INO80: variants seen among roughly 807,000 people sequenced by gnomAD.
INO80 encodes INO80 complex ATPase subunit, also known as chromatin-remodeling ATPase INO80.
In INO80, 20 loss-of-function variants were observed where a neutral mutation model predicts 203.4. The ratio of observed to expected loss-of-function variants is 0.10; its 90% CI spans 0.07 to 0.14. The LOEUF is 0.14. INO80 is among the 10% of genes least tolerant of loss of function. The pLI is 1.00. For missense variants in INO80, 1,419 were observed against 1,914.4 expected (o/e 0.74, Z 4.83); for synonymous variants, 726 against 685.2 (o/e 1.06, Z -0.93).
chr15:41,111,887 C>T (rs1244623658), intron 1 of INO80, among the ~76,000 whole-genome samples: 3 of 151,928 alleles, frequency 2.0e-5, no homozygotes, highest in South Asian at 2.1e-4. Flanking sequence ...ACTACAAAGC[C>T]GTCCAAGATA....
At chr15:41,003,727 T>A (rs1404391895) in intron 28 of INO80, among the ~76,000 whole-genome samples, 2 of 152,200 alleles carry the variant, frequency 1.3e-5, no homozygotes, top group Non-Finnish European at 2.9e-5. Flanking sequence ...AACAAAACAT[T>A]ACTGTTAAAA....
chr15:41,060,005 A>C lies in INO80; in HGVS notation c.1783-79T>G, dbSNP rs1349100562. On this transcript the variant is annotated intron_variant, in intron 14 of 35. Coordinates refer to ENST00000648947, the MANE Select transcript of INO80 (RefSeq NM_017553.3). ...TAGAACAAATATATAATTCGGAACA[A>C]TTTAAAAAGAAACTAATAAAATGAG... 17 of 1,001,764 alleles carry C rather than the reference A, an allele frequency of 1.7e-5. No individual in the cohort carries two copies. In the East Asian group the frequency reaches 3.9e-4, roughly 23 times the overall value. The allele number at this position is 1,001,764 out of a possible 1,614,324, so 62.1% of individuals were successfully genotyped here. A position where few individuals can be genotyped will look rare whatever the true frequency, so the allele number is the denominator to read the frequency against.
intron 29 of INO80, among the ~76,000 whole-genome samples, chr15:40,994,644 T>G (rs1435270005): frequency 6.6e-6 from 1 of 151,854 alleles, no homozygotes; most frequent in Non-Finnish European, 1.5e-5. Flanking sequence ...GGATTACAGG[T>G]GTGAGCCACT....
chr15:41,054,012 G>T lies in INO80; in HGVS notation c.2191C>A (p.Gln731Lys). Residue 731 changes from glutamine to lysine, a missense_variant and splice_region_variant, in exon 19 of 36, where the codon CAA becomes AAA. By Grantham distance (53) the Gln-to-Lys change is moderately conservative. Around this residue, in one of 9 missense-constraint regions of INO80, gnomAD observed 192 missense variants for 406.7 expected, o/e 0.47. Coordinates refer to ENST00000648947, the MANE Select transcript of INO80 (RefSeq NM_017553.3). ...AAAATCATGTGTAAGCGAGAAAGTT[G>T]ATCTGAAATGCCGGGAGGCCCCCAA... ...AENKSAIDEN[Q>K]LSRLHMILKP... is the part of the protein sequence containing the mutation. 1 of 1,613,126 alleles carries T rather than the reference G, an allele frequency of 6.2e-7. No homozygotes were observed. The highest frequency in any genetic ancestry group is 1.1e-5 in the South Asian group (1 of 90,982).
intron 16 of INO80, among the ~76,000 whole-genome samples, chr15:41,058,429 T>C (rs2045034255): frequency 6.6e-6 from 1 of 152,124 alleles, no homozygotes; most frequent in South Asian, 2.1e-4. Context: ...GGGAGGCCGA[T>C]GCGAGAGGAT....
intron 1 of INO80, among the ~76,000 whole-genome samples, chr15:41,112,798 A>C (rs1048626718): frequency 3.3e-5 from 5 of 151,040 alleles, no homozygotes; most frequent in Admixed American, 1.3e-4. Context: ...AAAAAAAAAA[A>C]AAAAAAAAAA....
intron 24 of INO80, among the ~76,000 whole-genome samples, chr15:41,029,165 C>T (rs1222370518): frequency 6.6e-6 from 1 of 152,224 alleles, no homozygotes; most frequent in African/African-American, 2.4e-5. Context: ...ATACAAACTG[C>T]AAGATCAGAA....
At chr15:41,115,531 C>T (rs1017339336) in intron 1 of INO80, among the ~76,000 whole-genome samples, 1 of 152,202 alleles carries the variant, frequency 6.6e-6, no homozygotes, top group East Asian at 1.9e-4. Context: ...CACTAACAAG[C>T]CCTTAGATCT....
chr15:41,090,795 A>G (rs2045627758), intron 5 of INO80, among the ~76,000 whole-genome samples: 2 of 152,098 alleles, frequency 1.3e-5, no homozygotes, highest in Admixed American at 1.3e-4. Flanking sequence ...TTACATCTCA[A>G]TAAAGCTGCT....
intron 1 of INO80, among the ~76,000 whole-genome samples, chr15:41,100,793 A>G (rs2045795903): frequency 1.3e-5 from 2 of 149,598 alleles, no homozygotes; most frequent in Non-Finnish European, 3.0e-5. Flanking sequence ...ATACATTCAC[A>G]TTGTTGTGCA....
At chr15:41,063,273 G>T (rs951701729) in intron 14 of INO80, among the ~76,000 whole-genome samples, 8 of 152,100 alleles carry the variant, frequency 5.3e-5, no homozygotes, top group African/African-American at 1.9e-4. Flanking sequence ...GGAGGCAGAG[G>T]TTGCAGTAAG....
At chr15:41,010,404 AT>A (rs895597118) in intron 27 of INO80, among the ~76,000 whole-genome samples, 40 of 146,994 alleles carry the variant, frequency 2.7e-4, no homozygotes, top group East Asian at 9.8e-4. Context: ...TCCTTTTTAA[AT>A]TTTTTTTTTT....
At chr15:41,023,355 T>A in intron 25 of INO80, 1 of 453,166 alleles carries the variant, frequency 2.2e-6, no homozygotes, top group South Asian at 1.6e-5. Flanking sequence ...ACCTGCAAAA[T>A]TAATAGCAGC....
Position 41,085,601 on chromosome 15 carries a change from G to A in INO80, c.659-18C>T. 6.2e-7 allele frequency: 1 copy of A among 1,601,626 alleles called. No individual in the cohort carries two copies. The highest frequency in any genetic ancestry group is 8.5e-7 in the Non-Finnish European group (1 of 1,169,820). ...CAACTTAGCTGCAAAAGAAACAGAT[G>A]CAACAGGTTGCACTTCCACAGGAGA... On this transcript the variant is annotated intron_variant, in intron 6 of 35. Coordinates refer to ENST00000648947, the MANE Select transcript of INO80 (RefSeq NM_017553.3).
intron 25 of INO80, among the ~76,000 whole-genome samples, chr15:41,022,420 T>C (rs1437874942): frequency 2.0e-5 from 3 of 152,172 alleles, no homozygotes; most frequent in Non-Finnish European, 4.4e-5. Context: ...AGGACCTCCT[T>C]TGAAGCGGAC....
chr15:41,037,876 G>C (rs1025005004), intron 24 of INO80, among the ~76,000 whole-genome samples: 13 of 151,836 alleles, frequency 8.6e-5, no homozygotes, highest in African/African-American at 2.9e-4. Flanking sequence ...CCGGGACGCA[G>C]AGGTTGCAGT....
At chr15:41,081,743 G>A (rs969289510) in intron 7 of INO80, among the ~76,000 whole-genome samples, 7 of 152,096 alleles carry the variant, frequency 4.6e-5, no homozygotes, top group Admixed American at 6.6e-5. Flanking sequence ...GGCAGAGCTG[G>A]GTGGCTCTTT....
chr15:41,031,341 A>G (rs965278071), intron 24 of INO80, among the ~76,000 whole-genome samples: 1 of 151,586 alleles, frequency 6.6e-6, no homozygotes, highest in African/African-American at 2.4e-5. Context: ...TATTGTAGAT[A>G]GAAAAGAAAG....
intron 1 of INO80, among the ~76,000 whole-genome samples, chr15:41,103,666 C>A (rs2045840376): frequency 6.6e-6 from 1 of 152,144 alleles, no homozygotes; most frequent in African/African-American, 2.4e-5. Flanking sequence ...GCTGGGATTA[C>A]AGGTGTGAGC....
Sources: gnomAD v4.1 joint callset for allele counts (sites outside exome capture counted in the v4.1 genomes callset) on GRCh38, gnomAD v4.1.1 for gene constraint, gnomAD v4.1.1 regional missense constraint, MANE v1.5 for transcripts, NCBI Gene and HGNC (gene_info 2026-07-23, HGNC 2026-07-21) for gene names.